Variants in DMD observed in about 807,000 individuals in gnomAD.
The protein encoded by DMD is mutant dystrophin.
A neutral mutation model predicts 330.1 loss-of-function variants in DMD; 63 were observed. That is an observed-to-expected ratio of 0.19 (90% confidence interval 0.16 to 0.24). DMD has a LOEUF of 0.24. Ranked by LOEUF, DMD falls within the 10% of genes least tolerant of loss-of-function variation. The pLI is 1.00. For synonymous variants in DMD, 1,223 were observed against 959.8 expected (o/e 1.27, Z -5.07); for missense variants, 3,344 against 2,684.1 (o/e 1.25, Z -5.43).
rs776535856 is a variant in DMD, at chrX:32,431,867, T to C, written c.4071+6374A>G. On this transcript the variant is annotated intron_variant, in intron 29 of 78. Transcript: ENST00000357033. ...TTCATGAGGGCTTTTCTTGTGCGTG[T>C]GAGTGAGTGTGTGTATGTCTATGTG... Among the ~76,000 whole-genome samples the C allele has an allele frequency of 2.7e-5, 3 of 111,251 alleles. No homozygotes were observed. In the Admixed American group the frequency reaches 2.9e-4, roughly 11 times the overall value.
At chrX:31,343,608 T>C (rs1031631254) in intron 61 of DMD, among the ~76,000 whole-genome samples, 1 of 95,615 alleles carries the variant, frequency 1.0e-5, no homozygotes, top group Admixed American at 1.1e-4. Flanking sequence ...TGTGTGTGTG[T>C]GTGTGTGTGT....
At chrX:31,460,109 C>T (rs1025604489) in intron 59 of DMD, among the ~76,000 whole-genome samples, 3 of 111,480 alleles carry the variant, frequency 2.7e-5, no homozygotes, top group African/African-American at 9.8e-5. Flanking sequence ...TTTCATATAC[C>T]ACTCACCCTA....
At chrX:32,222,238 C>A in intron 43 of DMD, among the ~76,000 whole-genome samples, 1 of 111,506 alleles carries the variant, frequency 9.0e-6, no homozygotes, top group East Asian at 2.8e-4. Context: ...ATCACATTCA[C>A]AACAAAATCT....
intron 7 of DMD, among the ~76,000 whole-genome samples, chrX:32,788,141 A>G (rs763032219): frequency 8.9e-6 from 1 of 111,893 alleles, no homozygotes; most frequent in East Asian, 2.8e-4. Flanking sequence ...CCCTAGGTTA[A>G]TCTGATGCTG....
intron 58 of DMD, 91 bp downstream of exon 58, chrX:31,478,892 C>T (rs1336147858): frequency 2.0e-6 from 2 of 980,463 alleles, no homozygotes; most frequent in Admixed American, 5.1e-5. Flanking sequence ...AATATGAGAG[C>T]TATCCAGACC....
chrX:32,174,232 C>T lies in DMD; in HGVS notation c.6438+42684G>A, dbSNP rs147097661. On this transcript the variant is annotated intron_variant, in intron 44 of 78. Coordinates refer to ENST00000357033, the MANE Select transcript of DMD (RefSeq NM_004006.3). ...ATAAGACTGGACAACAGGCTTCCAG[C>T]TGTGTTTCTAACAAGTATAATTACA... Among the ~76,000 whole-genome samples the T allele has an allele frequency of 8.9e-3, 1,001 of 112,326 alleles. 2 individuals carry two copies. Among genetic ancestry groups the T allele is most frequent in the Non-Finnish European group, 0.011 (572 of 53,293 alleles).
At chrX:32,742,780 G>C (rs996993675) in intron 7 of DMD, among the ~76,000 whole-genome samples, 1 of 112,164 alleles carries the variant, frequency 8.9e-6, no homozygotes, top group African/African-American at 3.2e-5. Context: ...TGTGATATTT[G>C]ACAAGTAAGT....
chrX:32,155,685 A>G (rs72468605), intron 44 of DMD, among the ~76,000 whole-genome samples: 1 of 111,465 alleles, frequency 9.0e-6, no homozygotes, highest in Admixed American at 9.6e-5. Context: ...TTCCTTAACA[A>G]TTTAAAAAAT....
chrX:31,970,360 A>T (rs2095387883), intron 44 of DMD, among the ~76,000 whole-genome samples: 1 of 111,072 alleles, frequency 9.0e-6, no homozygotes, highest in Non-Finnish European at 1.9e-5. Context: ...TGATCCTCCT[A>T]GAGATTCAAA....
chrX:31,221,043 G>A (rs1431351707), intron 64 of DMD, among the ~76,000 whole-genome samples: 1 of 108,208 alleles, frequency 9.2e-6, no homozygotes, highest in Non-Finnish European at 1.9e-5. Context: ...ATGAATCACT[G>A]AGGCCTGTCA....
chrX:32,575,701 G>T (rs951660168), intron 13 of DMD, among the ~76,000 whole-genome samples: 1 of 111,826 alleles, frequency 8.9e-6, no homozygotes, highest in Non-Finnish European at 1.9e-5. Flanking sequence ...GGAGAAAAAA[G>T]CTTCAAATGG....
At chrX:31,889,645 TCTCACACA>T (rs1168454344) in intron 47 of DMD, among the ~76,000 whole-genome samples, 2 of 67,620 alleles carry the variant, frequency 3.0e-5, no homozygotes, top group African/African-American at 1.3e-4. Context: ...TCTCTCTCTC[TCTCACACA>T]CACACACACA....
chrX:31,120,872 TCAATCAATCAATCAAC>T lies in DMD; in HGVS notation c.*1031_*1046del, dbSNP rs1241375291. ...AGCAGCAGGAAGCTGAATGTATCAA[TCAATCAATCAATCAAC>T]CAACCAACCGATTACTCACTCTGAT... On this transcript the variant is annotated 3_prime_UTR_variant, in exon 79 of 79. Transcript: ENST00000357033. 1.8e-5 allele frequency: 2 copies of T among 110,269 alleles called. No homozygotes were observed. The highest frequency in any genetic ancestry group is 1.9e-4 in the Admixed American group (2 of 10,338). 9.1% of individuals were successfully genotyped at this position (110,269 alleles called of 1,213,427 possible).
chrX:32,359,852 T>G (rs983820174), intron 37 of DMD, among the ~76,000 whole-genome samples: 3 of 110,950 alleles, frequency 2.7e-5, no homozygotes, highest in Non-Finnish European at 5.7e-5. Context: ...TCCAATTTAT[T>G]AATTTAATTT....
chrX:31,755,991 A>G (rs1284605708), intron 51 of DMD, among the ~76,000 whole-genome samples: 2 of 111,950 alleles, frequency 1.8e-5, no homozygotes, highest in Non-Finnish European at 1.9e-5. Context: ...CATGTGCAAG[A>G]AATGTTCTGC....
intron 2 of DMD, among the ~76,000 whole-genome samples, chrX:32,857,913 A>G (rs928074358): frequency 3.6e-5 from 4 of 111,387 alleles, no homozygotes; most frequent in African/African-American, 6.5e-5. Flanking sequence ...TTCTTTTAAA[A>G]CTGGAGGTAA....
chrX:31,391,105 AGCCT>A (rs2060661833), intron 60 of DMD, among the ~76,000 whole-genome samples: 1 of 112,130 alleles, frequency 8.9e-6, no homozygotes, highest in East Asian at 2.8e-4. Flanking sequence ...CTTCCAAAGT[AGCCT>A]ATTCTTTGTC....
chrX:32,545,335 C>G lies in DMD; in HGVS notation c.1993-1G>C. 1.7e-6 allele frequency: 2 copies of G among 1,209,813 alleles called. No individual in the cohort carries two copies. Among genetic ancestry groups the G allele is most frequent in the Non-Finnish European group, 2.2e-6 (2 of 894,170 alleles). ...GAGTGGTGGTGACAGCCTGTGAAAT[C>G]TGTGAGAAGTATTGAAACAGAGGTC... On this transcript the variant is annotated splice_acceptor_variant, in intron 16 of 78. Coordinates refer to ENST00000357033, the MANE Select transcript of DMD (RefSeq NM_004006.3). LOFTEE classifies it high-confidence loss of function.
At chrX:32,564,063 C>A (rs1481740262) in intron 16 of DMD, among the ~76,000 whole-genome samples, 1 of 111,451 alleles carries the variant, frequency 9.0e-6, no homozygotes, top group Non-Finnish European at 1.9e-5. Flanking sequence ...CCTCTATGGT[C>A]TGCAGATTGT....
Sources: gnomAD v4.1 joint callset for allele counts (sites outside exome capture counted in the v4.1 genomes callset) on GRCh38, gnomAD v4.1.1 for gene constraint, MANE v1.5 for transcripts, NCBI Gene and HGNC (gene_info 2026-07-23, HGNC 2026-07-21) for gene names.